GRID2: variants seen among roughly 807,000 people sequenced by gnomAD.
GRID2 encodes glutamate ionotropic receptor delta type subunit 2, also known as glutamate receptor ionotropic, delta-2.
GRID2 carries 33 observed loss-of-function variants against 114.8 expected under a neutral mutation model. That is an observed-to-expected ratio of 0.29 (90% CI 0.22 to 0.38). GRID2 has a LOEUF of 0.38. GRID2 is among the 10% of genes least tolerant of loss of function. The pLI is 1.00. For synonymous variants in GRID2, 505 were observed against 449.9 expected (o/e 1.12, Z -1.55); for missense variants, 1,184 against 1,257.7 (o/e 0.94, Z 0.89).
intron 14 of GRID2, among the ~76,000 whole-genome samples, chr4:93,700,134 T>G (rs1727381086): frequency 6.6e-6 from 1 of 152,276 alleles, no homozygotes; most frequent in Non-Finnish European, 1.5e-5. Flanking sequence ...ATAATTCCCT[T>G]TTGTCTCACT....
At chr4:92,614,019 G>C (rs957847607) in intron 2 of GRID2, among the ~76,000 whole-genome samples, 1 of 151,338 alleles carries the variant, frequency 6.6e-6, no homozygotes, top group Non-Finnish European at 1.5e-5. Context: ...ACTTCAAACA[G>C]TTGTTTTTCT....
chr4:92,894,448 T>G (rs190325925), intron 2 of GRID2, among the ~76,000 whole-genome samples: 1 of 152,206 alleles, frequency 6.6e-6, no homozygotes, highest in Admixed American at 6.5e-5. Context: ...AGACAGGGGT[T>G]TTACATTTGA....
intron 14 of GRID2, among the ~76,000 whole-genome samples, chr4:93,761,535 A>G (rs1733208235): frequency 6.6e-6 from 1 of 152,266 alleles, no homozygotes; most frequent in Non-Finnish European, 1.5e-5. Context: ...AAAGTCTAAA[A>G]TATTGGCTAT....
chr4:92,403,412 A>G (rs779140990), intron 1 of GRID2, among the ~76,000 whole-genome samples: 1 of 151,990 alleles, frequency 6.6e-6, no homozygotes, highest in African/African-American at 2.4e-5. Flanking sequence ...AAAGTGAGAG[A>G]CATGGCCAGG....
chr4:93,274,319 G>A (rs371581974), intron 8 of GRID2, among the ~76,000 whole-genome samples: 1 of 152,010 alleles, frequency 6.6e-6, no homozygotes, highest in African/African-American at 2.4e-5. Flanking sequence ...AAGGCACTTC[G>A]GGGTTTTATT....
chr4:93,503,798 T>C (rs1257014071), intron 12 of GRID2, among the ~76,000 whole-genome samples: 1 of 151,998 alleles, frequency 6.6e-6, no homozygotes, highest in African/African-American at 2.4e-5. Context: ...ACTATACCAA[T>C]GAGATATCTT....
At chr4:92,757,602 A>G (rs1332557132) in intron 2 of GRID2, among the ~76,000 whole-genome samples, 1 of 152,098 alleles carries the variant, frequency 6.6e-6, no homozygotes, top group African/African-American at 2.4e-5. Flanking sequence ...GTTTCAAGTC[A>G]TGAGAACAGA....
intron 13 of GRID2, among the ~76,000 whole-genome samples, chr4:93,593,040 G>T (rs1738576091): frequency 6.6e-6 from 1 of 151,716 alleles, no homozygotes; most frequent in Admixed American, 6.6e-5. Flanking sequence ...TTTAATTGGA[G>T]AATTTAGTCC....
At chr4:93,134,032 T>G (rs561862247) in intron 4 of GRID2, among the ~76,000 whole-genome samples, 1 of 152,252 alleles carries the variant, frequency 6.6e-6, no homozygotes, top group African/African-American at 2.4e-5. Flanking sequence ...AATGCAGGAT[T>G]AATGCATTAG....
At chr4:93,431,396 T>C (rs1190363896) in intron 10 of GRID2, among the ~76,000 whole-genome samples, 1 of 152,082 alleles carries the variant, frequency 6.6e-6, no homozygotes, top group Non-Finnish European at 1.5e-5. Context: ...GAGAAAGCTG[T>C]CACTTAAGAA....
intron 2 of GRID2, among the ~76,000 whole-genome samples, chr4:92,914,416 A>G (rs1439912719): frequency 6.6e-6 from 1 of 152,084 alleles, no homozygotes; most frequent in Non-Finnish European, 1.5e-5. Flanking sequence ...TTGGAAATAT[A>G]ATTTTTTTAC....
intron 14 of GRID2, among the ~76,000 whole-genome samples, chr4:93,666,443 G>A (rs1277136176): frequency 6.6e-6 from 1 of 152,030 alleles, no homozygotes; most frequent in Admixed American, 6.6e-5. Flanking sequence ...AAGAGTTTCA[G>A]AGGAAGATGG....
Position 92,942,246 on chromosome 4 carries a change from G to T in GRID2, c.245-142749G>T, listed in dbSNP as rs187066476. Among the ~76,000 whole-genome samples, 13 of 150,246 alleles carry T rather than the reference G, an allele frequency of 8.7e-5. No individual in the cohort carries two copies. In the East Asian group the frequency reaches 2.6e-3, roughly 30 times the overall value. On this transcript the variant is annotated intron_variant, in intron 2 of 15. Coordinates refer to ENST00000282020, the MANE Select transcript of GRID2 (RefSeq NM_001510.4). ...ACTAAGGACTTGCTTTATGAATCTG[G>T]GTGCTCCTGTATTGGGTGCATATAT... is the stretch of plus-strand genomic sequence containing the variant.
intron 1 of GRID2, among the ~76,000 whole-genome samples, chr4:93,784,081 A>AAAAAAAAAAAC (rs1734541029): frequency 6.8e-6 from 1 of 147,310 alleles, no homozygotes; most frequent in African/African-American, 2.6e-5. Context: ...CAAAAAAAAA[A>AAAAAAAAAAAC]AAAAAAAAAA....
At chr4:93,617,432 C>T (rs768524598) in intron 13 of GRID2, among the ~76,000 whole-genome samples, 77 of 152,286 alleles carry the variant, frequency 5.1e-4, no homozygotes, top group Non-Finnish European at 9.6e-4. Context: ...ATTCAGTCTG[C>T]ATATGTGTTT....
chr4:93,118,175 T>G (rs1733459605), intron 4 of GRID2, among the ~76,000 whole-genome samples: 1 of 152,200 alleles, frequency 6.6e-6, no homozygotes, highest in South Asian at 2.1e-4. Flanking sequence ...ATATCATTGC[T>G]ACCTCTGATC....
chr4:92,848,431 T>C (rs1355561174), intron 2 of GRID2, among the ~76,000 whole-genome samples: 2 of 151,956 alleles, frequency 1.3e-5, no homozygotes, highest in South Asian at 2.1e-4. Flanking sequence ...TCCATATGTA[T>C]GTGTACCTTA....
chr4:92,439,696 C>T (rs1049243485), intron 1 of GRID2, among the ~76,000 whole-genome samples: 1 of 145,582 alleles, frequency 6.9e-6, no homozygotes, highest in Non-Finnish European at 1.5e-5. Flanking sequence ...AATGGAATAA[C>T]AGAAGGAGAA....
At chr4:93,316,323 A>C (rs56212103) in intron 8 of GRID2, among the ~76,000 whole-genome samples, 2,667 of 49,804 alleles carry the variant, frequency 0.054, 79 homozygotes, top group African/African-American at 0.14. Flanking sequence ...AAAGAAAGAA[A>C]GAAAGAAAGA....
Sources: gnomAD v4.1 joint callset for allele counts (sites outside exome capture counted in the v4.1 genomes callset) on GRCh38, gnomAD v4.1.1 for gene constraint, MANE v1.5 for transcripts, NCBI Gene and HGNC (gene_info 2026-07-23, HGNC 2026-07-21) for gene names.